Variants in KCNMA1 observed in about 807,000 individuals in gnomAD.
The protein encoded by KCNMA1 is Calcium-activated potassium channel subunit alpha-1.
A neutral mutation model predicts 140.0 loss-of-function variants in KCNMA1; 29 were observed. The ratio of observed to expected loss-of-function variants is 0.21; its 90% CI spans 0.15 to 0.28. The LOEUF (loss-of-function observed/expected upper bound fraction) is 0.28. Ranked by LOEUF, KCNMA1 falls within the 10% of genes least tolerant of loss-of-function variation. KCNMA1 has a pLI of 1.00. For synonymous variants in KCNMA1, 612 were observed against 611.9 expected (o/e 1.00, Z 0.00); for missense variants, 880 against 1,602.2 (o/e 0.55, Z 7.70).
At chr10:77,528,833 G>A (rs2056746387) in intron 1 of KCNMA1, among the ~76,000 whole-genome samples, 1 of 152,080 alleles carries the variant, frequency 6.6e-6, no homozygotes, top group Admixed American at 6.6e-5. Flanking sequence ...AGTGGAAGAA[G>A]CCGGACACAA....
chr10:77,585,476 G>A (rs1411317324), intron 1 of KCNMA1, among the ~76,000 whole-genome samples: 1 of 152,186 alleles, frequency 6.6e-6, no homozygotes, highest in East Asian at 1.9e-4. Context: ...ACTTGGTTTT[G>A]TACCAAGCTC....
At chr10:77,579,315 G>A (rs1242067447) in intron 1 of KCNMA1, among the ~76,000 whole-genome samples, 1 of 152,202 alleles carries the variant, frequency 6.6e-6, no homozygotes, top group Non-Finnish European at 1.5e-5. Context: ...CCACAGGTGT[G>A]TGCGAAGAAG....
intron 6 of KCNMA1, among the ~76,000 whole-genome samples, chr10:77,114,565 T>C (rs1161265769): frequency 2.0e-5 from 3 of 152,338 alleles, no homozygotes; most frequent in Admixed American, 1.3e-4. Flanking sequence ...CTATTTACTA[T>C]AGCTATTGTT....
At chr10:77,303,722 G>A (rs528182444) in intron 2 of KCNMA1, among the ~76,000 whole-genome samples, 1 of 152,208 alleles carries the variant, frequency 6.6e-6, no homozygotes, top group African/African-American at 2.4e-5. Flanking sequence ...AGCATACCCA[G>A]GAAGTCAGTT....
intron 2 of KCNMA1, among the ~76,000 whole-genome samples, chr10:77,332,512 A>T (rs2154366982): frequency 6.6e-6 from 1 of 152,300 alleles, no homozygotes; most frequent in East Asian, 1.9e-4. Flanking sequence ...TGCACAGACC[A>T]GAAACCCCAC....
Position 76,914,922 on chromosome 10 carries a change from A to C in KCNMA1, c.3016+14T>G. The C allele has an allele frequency of 1.3e-6, 2 of 1,562,450 alleles. No individual in the cohort carries two copies. The highest frequency in any genetic ancestry group is 1.8e-6 in the Non-Finnish European group (2 of 1,133,182). On this transcript the variant is annotated intron_variant, in intron 24 of 27. Coordinates refer to ENST00000286628, the MANE Select transcript of KCNMA1 (RefSeq NM_001161352.2). Reference sequence around the variant, plus strand: ...AGAACAAAAACTCCCCCCAAAGCTGACATTGACCCCTACCTAGTTCAGTGA... The same window carrying C: ...AGAACAAAAACTCCCCCCAAAGCTGCCATTGACCCCTACCTAGTTCAGTGA...
intron 1 of KCNMA1, among the ~76,000 whole-genome samples, chr10:77,444,379 G>A (rs1325052324): frequency 6.6e-6 from 1 of 152,194 alleles, no homozygotes; most frequent in Non-Finnish European, 1.5e-5. Context: ...GAGGAGGAGA[G>A]AAAGAGAACT....
chr10:77,450,751 ACT>A (rs2097633813), intron 1 of KCNMA1, among the ~76,000 whole-genome samples: 1 of 152,124 alleles, frequency 6.6e-6, no homozygotes, highest in African/African-American at 2.4e-5. Context: ...GCCCCATGAG[ACT>A]CATTCCAGGA....
chr10:77,107,169 A>G (rs558504328), intron 9 of KCNMA1, among the ~76,000 whole-genome samples: 1 of 152,306 alleles, frequency 6.6e-6, no homozygotes, highest in African/African-American at 2.4e-5. Context: ...GGGAAATACA[A>G]TGCTCCCAGT....
intron 1 of KCNMA1, among the ~76,000 whole-genome samples, chr10:77,549,837 T>C (rs1330712075): frequency 6.6e-6 from 1 of 152,190 alleles, no homozygotes; most frequent in Non-Finnish European, 1.5e-5. Context: ...ATGTAGGTGT[T>C]CGTACTAAAT....
intron 2 of KCNMA1, among the ~76,000 whole-genome samples, chr10:77,365,597 C>G (rs990996742): frequency 6.6e-6 from 1 of 152,232 alleles, no homozygotes; most frequent in Non-Finnish European, 1.5e-5. Context: ...TGTCCCTTCA[C>G]TATGTATCAG....
At chr10:77,577,073 C>A (rs1460927671) in intron 1 of KCNMA1, among the ~76,000 whole-genome samples, 2 of 151,398 alleles carry the variant, frequency 1.3e-5, no homozygotes, top group African/African-American at 4.9e-5. Flanking sequence ...AGTAACTGAC[C>A]CCATGTTGAC....
intron 2 of KCNMA1, among the ~76,000 whole-genome samples, chr10:77,333,396 GAAAGAAAAGAAAAGA>G (rs147337166): frequency 7.0e-6 from 1 of 142,986 alleles, no homozygotes; most frequent in Non-Finnish European, 1.5e-5. Context: ...AAGAAAGAAA[GAAAGAAAAGAAAAGA>G]AAAGAAAAGA....
chr10:77,135,426 A>G (rs926988048), intron 5 of KCNMA1, among the ~76,000 whole-genome samples: 20 of 152,222 alleles, frequency 1.3e-4, no homozygotes, highest in African/African-American at 4.6e-4. Context: ...CATTATGGAA[A>G]AAGGTAAAAA....
intron 1 of KCNMA1, among the ~76,000 whole-genome samples, chr10:77,557,517 AT>A (rs1215799605): frequency 2.6e-5 from 4 of 152,212 alleles, no homozygotes; most frequent in African/African-American, 9.6e-5. Flanking sequence ...TGTAACTCTC[AT>A]CCTCCTTAGG....
At chr10:77,011,478 T>C (rs1258179000) in intron 18 of KCNMA1, among the ~76,000 whole-genome samples, 5 of 152,210 alleles carry the variant, frequency 3.3e-5, no homozygotes, top group Admixed American at 2.6e-4. Context: ...GGTATCACAG[T>C]TGCCAACTCT....
chr10:77,546,890 C>T (rs1289626493), intron 1 of KCNMA1, among the ~76,000 whole-genome samples: 1 of 152,162 alleles, frequency 6.6e-6, no homozygotes, highest in African/African-American at 2.4e-5. Flanking sequence ...TTTGTAAACC[C>T]ACTCTCATTC....
chr10:77,336,440 AAAAG>A (rs2089019968), intron 2 of KCNMA1, among the ~76,000 whole-genome samples: 1 of 152,186 alleles, frequency 6.6e-6, no homozygotes, highest in Non-Finnish European at 1.5e-5. Context: ...TTAAAAAAAA[AAAAG>A]AAGATGAATG....
intron 1 of KCNMA1, among the ~76,000 whole-genome samples, chr10:77,573,823 C>A (rs1327638130): frequency 2.7e-5 from 4 of 150,596 alleles, no homozygotes; most frequent in Non-Finnish European, 4.4e-5. Flanking sequence ...TCATTTATAT[C>A]CTTTATAATA....
Sources: allele counts gnomAD v4.1 joint callset (sites outside exome capture counted in the v4.1 genomes callset), GRCh38; gene constraint gnomAD v4.1.1; transcripts MANE v1.5; gene names NCBI Gene and HGNC (gene_info 2026-07-23, HGNC 2026-07-21).